The following ZNF143 variants were observed in gnomAD, a reference collection of about 807,000 sequenced individuals.
ZNF143 encodes the protein zinc finger protein 143.
Under a neutral mutation model 74.1 loss-of-function variants are expected in ZNF143, and 49 were observed. The ratio of observed to expected loss-of-function variants is 0.66; its 90% confidence interval spans 0.53 to 0.84. The LOEUF (loss-of-function observed/expected upper bound fraction) is 0.84. Among genes scored for constraint, ZNF143 ranks in the 40% least tolerant of loss-of-function variants. The pLI is 0.00. For synonymous variants in ZNF143, 304 were observed against 282.8 expected (o/e 1.07, Z -0.75); for missense variants, 637 against 793.4 (o/e 0.80, Z 2.37).
chr11:9,507,672 C>T (rs2134146924), intron 11 of ZNF143, among the ~76,000 whole-genome samples: 1 of 152,160 alleles, frequency 6.6e-6, no homozygotes, highest in East Asian at 1.9e-4. Context: ...TAATTTGTTC[C>T]AGTTTGCTTT....
intron 14 of ZNF143, among the ~76,000 whole-genome samples, chr11:9,520,087 A>T (rs1027925396): frequency 5.5e-5 from 7 of 126,176 alleles, no homozygotes; most frequent in African/African-American, 1.9e-4. Context: ...CCCAGACTGC[A>T]GTGCAGTGGC....
In ZNF143 at chr11:9,512,646, G is replaced by T. The variant is rs549221431; in HGVS notation, c.1524+50G>T. 12 of 1,605,736 alleles carry T rather than the reference G, an allele frequency of 7.5e-6. 1 individual carries two copies. In the South Asian group the frequency reaches 1.3e-4, roughly 18 times the overall value. ...AAATTAAATCTTTCTGTGAACCTGG[G>T]CTTGAAAGGCAGGCTGGGTCCCCAT... On this transcript the variant is annotated intron_variant, in intron 13 of 15. Coordinates refer to ENST00000396602, the MANE Select transcript of ZNF143 (RefSeq NM_003442.6).
intron 7 of ZNF143, among the ~76,000 whole-genome samples, chr11:9,480,739 T>G (rs1238867579): frequency 6.6e-6 from 1 of 151,856 alleles, no homozygotes; most frequent in Admixed American, 6.6e-5. Context: ...TACAAAAAAT[T>G]AGCCAGGTGT....
chr11:9,486,430 T>TATATATATA lies in ZNF143; in HGVS notation c.645+6891_645+6899dup, dbSNP rs1847537592. On this transcript the variant is annotated intron_variant, in intron 7 of 15. Coordinates refer to ENST00000396602, the MANE Select transcript of ZNF143 (RefSeq NM_003442.6). ...TATATATAATATATATTATATATAT[T>TATATATATA]ATATATATAATATATTATATATATT... 1.0e-4 allele frequency among the ~76,000 whole-genome samples: 4 copies of TATATATATA among 38,148 alleles called. 1 individual carries two copies. The highest frequency in any genetic ancestry group is 1.1e-3 in the South Asian group (2 of 1,818). 25.0% of individuals were successfully genotyped at this position (38,148 alleles called of 152,430 possible).
At chr11:9,464,462 G>A (rs1179453991) in intron 1 of ZNF143, among the ~76,000 whole-genome samples, 3 of 152,042 alleles carry the variant, frequency 2.0e-5, no homozygotes, top group Non-Finnish European at 4.4e-5. Flanking sequence ...TTAGCCAGGT[G>A]GGGTGGCCCA....
intron 8 of ZNF143, among the ~76,000 whole-genome samples, chr11:9,495,407 C>T (rs1284183594): frequency 6.6e-6 from 1 of 152,162 alleles, no homozygotes. Flanking sequence ...CACCACTGCA[C>T]TCCAGCCTGG....
intron 7 of ZNF143, among the ~76,000 whole-genome samples, chr11:9,482,356 C>T (rs796820179): frequency 3.1e-4 from 44 of 140,430 alleles, no homozygotes; most frequent in East Asian, 1.1e-3. Flanking sequence ...CTGTAAGCTC[C>T]GTCTCCCGGG....
At chr11:9,477,162 C>CT (rs1565029228) in intron 5 of ZNF143, among the ~76,000 whole-genome samples, 59 of 142,042 alleles carry the variant, frequency 4.2e-4, no homozygotes, top group African/African-American at 1.4e-3. Context: ...TTCCTTCCTT[C>CT]CTTCCTTCCT....
chr11:9,486,055 C>T lies in ZNF143; in HGVS notation c.645+6509C>T, dbSNP rs1331445624. Among the ~76,000 whole-genome samples the T allele has an allele frequency of 2.0e-5, 3 of 150,852 alleles. 1 individual carries two copies. The highest frequency in any genetic ancestry group is 5.0e-5 in the African/African-American group (2 of 40,372). Reference sequence around the variant, plus strand: ...CCAAACTCCTTCAAATCTCACTTCCCAGCTTTTGACCATGGGCAAGTTACA... The same window carrying T: ...CCAAACTCCTTCAAATCTCACTTCCTAGCTTTTGACCATGGGCAAGTTACA... On this transcript the variant is annotated intron_variant, in intron 7 of 15. Coordinates refer to ENST00000396602, the MANE Select transcript of ZNF143 (RefSeq NM_003442.6).
chr11:9,475,934 G>T (rs1405741740), intron 5 of ZNF143, among the ~76,000 whole-genome samples: 2 of 151,450 alleles, frequency 1.3e-5, no homozygotes, highest in African/African-American at 4.9e-5. Flanking sequence ...GTGTGTGTGT[G>T]TGTGTGTGTG....
At chr11:9,490,981 C>T (rs952732303) in intron 7 of ZNF143, among the ~76,000 whole-genome samples, 6 of 152,254 alleles carry the variant, frequency 3.9e-5, no homozygotes, top group Admixed American at 2.6e-4. Context: ...GATCCTCCCA[C>T]CTTGGCCTCC....
At chr11:9,461,156 G>C (rs957502608) in intron 1 of ZNF143, 80 bp downstream of exon 1, 10 of 888,132 alleles carry the variant, frequency 1.1e-5, no homozygotes, top group African/African-American at 1.8e-5. Flanking sequence ...GCGCGGGCCC[G>C]CTTGGGCCCG....
intron 11 of ZNF143, among the ~76,000 whole-genome samples, chr11:9,506,373 C>A (rs757210740): frequency 9.8e-5 from 15 of 152,314 alleles, no homozygotes; most frequent in Middle Eastern, 6.8e-3. Context: ...GACTAATTAT[C>A]TGAAAGCTAG....
At chr11:9,504,230 A>C (rs1411686009) in intron 11 of ZNF143, among the ~76,000 whole-genome samples, 1 of 150,732 alleles carries the variant, frequency 6.6e-6, no homozygotes, top group Non-Finnish European at 1.5e-5. Context: ...AACTGCTGGG[A>C]TTACAGGTTT....
intron 5 of ZNF143, among the ~76,000 whole-genome samples, chr11:9,476,945 G>A (rs1856944516): frequency 6.7e-6 from 1 of 149,958 alleles, no homozygotes; most frequent in African/African-American, 2.4e-5. Context: ...ATTTTTTTTA[G>A]TAGAGGCGGG....
chr11:9,505,094 C>T lies in ZNF143; in HGVS notation c.1148-3525C>T, dbSNP rs1451904295. ...GTTCAAGTGATTCTCCTGCCTCAGC[C>T]TCCTGAGTAGCTGGGACTACAGGCG... is the stretch of plus-strand genomic sequence containing the variant. On this transcript the variant is annotated intron_variant, in intron 11 of 15. Coordinates refer to ENST00000396602, the MANE Select transcript of ZNF143 (RefSeq NM_003442.6). 6.6e-5 allele frequency among the ~76,000 whole-genome samples: 8 copies of T among 121,660 alleles called. 2 individuals are homozygous for T. Among genetic ancestry groups the T allele is most frequent in the African/African-American group, 1.8e-4 (7 of 38,110 alleles). The allele number at this position is 121,660 out of a possible 152,430, so 79.8% of individuals were successfully genotyped here.
intron 6 of ZNF143, among the ~76,000 whole-genome samples, chr11:9,479,231 C>G (rs575845452): frequency 6.6e-6 from 1 of 152,048 alleles, no homozygotes; most frequent in African/African-American, 2.4e-5. Flanking sequence ...TCTTGAACTC[C>G]TGGGCTCAGA....
intron 7 of ZNF143, among the ~76,000 whole-genome samples, chr11:9,493,268 C>A (rs1847847532): frequency 6.6e-6 from 1 of 151,990 alleles, no homozygotes; most frequent in Non-Finnish European, 1.5e-5. Context: ...GATGAGGTTT[C>A]ACCATGTTAG....
rs1425096066 is a variant in ZNF143 at position 9,479,491 on chromosome 11, A to G, written c.590A>G (p.Glu197Gly). 3.1e-6 allele frequency: 5 copies of G among 1,613,032 alleles called. No homozygotes were observed. Among genetic ancestry groups the G allele is most frequent in the Non-Finnish European group, 4.2e-6 (5 of 1,179,696 alleles). The change falls in exon 7 of 16, where the codon GAA (glutamate) becomes GGA (glycine). Residue 197 changes from glutamate (E) to glycine (G), a missense_variant. By Grantham distance (98) the Glu-to-Gly change is moderately conservative (BLOSUM62 -2). Coordinates refer to ENST00000396602, the MANE Select transcript of ZNF143 (RefSeq NM_003442.6). ...YAAKVSIDGS[E>G]SVAGTGMIGE... Reference sequence around the variant, plus strand: ...CTATAGGTGTCCATTGATGGAAGTGAAAGTGTAGCAGGTACTGGAATGATT... The same window carrying G: ...CTATAGGTGTCCATTGATGGAAGTGGAAGTGTAGCAGGTACTGGAATGATT...
Sources: allele counts gnomAD v4.1 joint callset (sites outside exome capture counted in the v4.1 genomes callset), GRCh38; gene constraint gnomAD v4.1.1; transcripts MANE v1.5; gene names NCBI Gene and HGNC (gene_info 2026-07-23, HGNC 2026-07-21).